ATF1: variants seen among roughly 807,000 people sequenced by gnomAD.
ATF1 encodes the protein cyclic AMP-dependent transcription factor ATF-1.
In ATF1, 16 loss-of-function variants were observed where a neutral mutation model predicts 34.7. The observed-to-expected ratio is 0.46, with a 90% CI of 0.31 to 0.70. The LOEUF (loss-of-function observed/expected upper bound fraction) is 0.70. Ranked by LOEUF, ATF1 falls within the 30% of genes least tolerant of loss-of-function variation. The pLI is 0.05. For missense variants in ATF1, 255 were observed against 321.6 expected (o/e 0.79, Z 1.58); for synonymous variants, 105 against 113.1 (o/e 0.93, Z 0.46).
chr12:50,811,630 GAAAAAAAAA>G (rs11464441), intron 4 of ATF1, among the ~76,000 whole-genome samples: 2 of 72,920 alleles, frequency 2.7e-5, no homozygotes, highest in African/African-American at 1.0e-4. Flanking sequence ...GAAAAATGAA[GAAAAAAAAA>G]AAAAAAAAAA....
intron 2 of ATF1, among the ~76,000 whole-genome samples, chr12:50,793,562 G>C (rs945578383): frequency 6.6e-6 from 1 of 150,800 alleles, no homozygotes; most frequent in Non-Finnish European, 1.5e-5. Flanking sequence ...GAACCCGGGA[G>C]GCAGAAGCTG....
chr12:50,789,023 A>G (rs944082056), intron 2 of ATF1, among the ~76,000 whole-genome samples: 3 of 152,086 alleles, frequency 2.0e-5, no homozygotes, highest in Non-Finnish European at 4.4e-5. Context: ...CATGCGTTAC[A>G]GTGCTAGCGA....
At chr12:50,806,063 A>G (rs974287333) in intron 3 of ATF1, among the ~76,000 whole-genome samples, 12 of 150,858 alleles carry the variant, frequency 8.0e-5, no homozygotes, top group African/African-American at 2.9e-4. Flanking sequence ...AGGCAGGAGA[A>G]TTGCTCGAAC....
rs1009327751 is a variant in ATF1, at chr12:50,768,842, G to A, written c.-7+4535G>A. 3.9e-5 allele frequency among the ~76,000 whole-genome samples: 6 copies of A among 152,266 alleles called. No homozygotes were observed. In the East Asian group the frequency reaches 1.2e-3, roughly 29 times the overall value. On this transcript the variant is annotated intron_variant, in intron 1 of 6. Transcript: ENST00000262053. Reference sequence around the variant, plus strand: ...GTTAAATGATTTGAGGTCATAAACTGTTTCTTTGACTTTTAAAAATTGTTC... The same window carrying A: ...GTTAAATGATTTGAGGTCATAAACTATTTCTTTGACTTTTAAAAATTGTTC...
chr12:50,817,458 TAGC>T (rs1256999321), intron 6 of ATF1, among the ~76,000 whole-genome samples: 4 of 152,170 alleles, frequency 2.6e-5, no homozygotes, highest in South Asian at 4.1e-4. Context: ...AAATAAATGA[TAGC>T]AGTTTTAGGG....
intron 1 of ATF1, among the ~76,000 whole-genome samples, chr12:50,767,104 A>G (rs1029767889): frequency 6.6e-6 from 1 of 152,184 alleles, no homozygotes; most frequent in African/African-American, 2.4e-5. Flanking sequence ...CTTGAACACT[A>G]GGACCACTAA....
At chr12:50,810,363 G>GCC in intron 4 of ATF1, among the ~76,000 whole-genome samples, 1 of 151,286 alleles carries the variant, frequency 6.6e-6, no homozygotes, top group Non-Finnish European at 1.5e-5. Flanking sequence ...GATTACAGGC[G>GCC]TGTACCACTT....
chr12:50,804,810 C>CTT (rs57912155), intron 3 of ATF1, among the ~76,000 whole-genome samples: 12 of 142,844 alleles, frequency 8.4e-5, no homozygotes, highest in East Asian at 6.1e-4. Flanking sequence ...CCAACAAGAT[C>CTT]TTTTTTTTTT....
At position 50,820,949 on chromosome 12, in the gene ATF1, T is replaced by C. The variant is rs910633079; in HGVS notation, c.*1170T>C. 2 of 179,944 alleles carry C rather than the reference T, an allele frequency of 1.1e-5. No homozygotes were observed. The highest frequency in any genetic ancestry group is 2.4e-5 in the Non-Finnish European group (2 of 83,792). The allele number at this position is 179,944 out of a possible 1,614,324, so 11.1% of individuals were successfully genotyped here. On this transcript the variant is annotated 3_prime_UTR_variant, in exon 7 of 7. Transcript: ENST00000262053. ...GTTTTCAGATTGGCTAATATTTGCA[T>C]TGTAAATTTTGTATGCAGTTTATCT...
chr12:50,812,935 AT>A (rs1216118204), intron 4 of ATF1, among the ~76,000 whole-genome samples: 24 of 152,196 alleles, frequency 1.6e-4, no homozygotes, highest in Non-Finnish European at 2.9e-4. Context: ...GTGAAAAAAA[AT>A]ATTTTTCCAT....
rs543324531 is a variant in ATF1 at position 50,819,547 on chromosome 12, G to T, written c.672-88G>T. The T allele has an allele frequency of 1.1e-5, 16 of 1,440,482 alleles. No individual in the cohort carries two copies. The African/African-American group carries it at 2.2e-4, about 19-fold the overall frequency. The allele number at this position is 1,440,482 out of a possible 1,614,324, so 89.2% of individuals were successfully genotyped here. A position where few individuals can be genotyped will look rare whatever the true frequency, so the allele number is the denominator to read the frequency against. On this transcript the variant is annotated intron_variant, in intron 6 of 6. Coordinates refer to ENST00000262053, the MANE Select transcript of ATF1 (RefSeq NM_005171.5). ...AGATGATACTTTAAAGAGAAAAAAAGGTGACCACGGAAAATTACTGAAGAA... is the reference window on the plus strand; with the variant it reads ...AGATGATACTTTAAAGAGAAAAAAATGTGACCACGGAAAATTACTGAAGAA...
Position 50,814,393 on chromosome 12 carries a change from A to T in ATF1, c.625A>T (p.Thr209Ser). Residue 209 changes from threonine (T) to serine (S), a missense_variant, in exon 6 of 7, where the codon ACA (threonine) becomes TCA (serine). By Grantham distance (58) the Thr-to-Ser change is moderately conservative. Around this residue, in one of 2 missense-constraint regions of ATF1, gnomAD observed 221 missense variants for 250.7 expected, o/e 0.88. Coordinates refer to ENST00000262053, the MANE Select transcript of ATF1 (RefSeq NM_005171.5). ...PVTLTSQTTK[T>S]DDPQLKREIR... ...GACTCTCACCTCTCAGACAACTAAG[A>T]CAGATGACCCCCAATTGAAAAGAGA... The T allele has an allele frequency of 2.5e-6, 4 of 1,614,226 alleles. No individual in the cohort carries two copies. The highest frequency in any genetic ancestry group is 2.5e-6 in the Non-Finnish European group (3 of 1,180,028).
At chr12:50,778,542 A>C (rs1267934766) in intron 1 of ATF1, among the ~76,000 whole-genome samples, 1 of 151,598 alleles carries the variant, frequency 6.6e-6, no homozygotes, top group Non-Finnish European at 1.5e-5. Flanking sequence ...ATTTTTAAAC[A>C]TACAGTTCTA....
chr12:50,797,167 G>T (rs1204242126), intron 3 of ATF1, among the ~76,000 whole-genome samples: 3 of 152,148 alleles, frequency 2.0e-5, no homozygotes. Context: ...TAAAAGGAGA[G>T]AAGAGGGAAG....
At position 50,819,819 on chromosome 12, in the gene ATF1, A is replaced by G; in HGVS notation, c.*40A>G. 7.0e-7 allele frequency: 1 copy of G among 1,437,408 alleles called. No individual in the cohort carries two copies. The highest frequency in any genetic ancestry group is 1.3e-5 in the South Asian group (1 of 77,954). 89.0% of individuals were successfully genotyped at this position (1,437,408 alleles called of 1,614,324 possible). On this transcript the variant is annotated 3_prime_UTR_variant, in exon 7 of 7. Coordinates refer to ENST00000262053, the MANE Select transcript of ATF1 (RefSeq NM_005171.5). ...AATATTTTTGTGGACATGCATAAAA[A>G]TTAAATGGATTTCCTAGTGGAGTTT...
intron 1 of ATF1, among the ~76,000 whole-genome samples, chr12:50,775,226 T>C (rs1477507691): frequency 1.3e-5 from 2 of 152,044 alleles, no homozygotes; most frequent in African/African-American, 4.8e-5. Flanking sequence ...ATTACAAGTA[T>C]GCACCCTGTT....
Position 50,819,873 on chromosome 12 carries a change from T to G in ATF1, c.*94T>G. 3 of 1,086,716 alleles carry G rather than the reference T, an allele frequency of 2.8e-6. No homozygotes were observed. The African/African-American group carries it at 4.8e-5, about 17-fold the overall frequency. 67.3% of individuals were successfully genotyped at this position (1,086,716 alleles called of 1,614,324 possible). The stretch of plus-strand genomic sequence containing the variant: ...AAATTAAAAGGTCAAAACTGAAGCT[T>G]TTTATTTAGGCTTTTCCAAATCAAG... On this transcript the variant is annotated 3_prime_UTR_variant, in exon 7 of 7. Coordinates refer to ENST00000262053, the MANE Select transcript of ATF1 (RefSeq NM_005171.5).
chr12:50,766,787 G>C (rs2139631483), intron 1 of ATF1, among the ~76,000 whole-genome samples: 3 of 152,072 alleles, frequency 2.0e-5, no homozygotes, highest in Admixed American at 2.0e-4. Context: ...GCCTCCCTAA[G>C]CTCTTCAGCT....
chr12:50,771,887 G>A (rs952659582), intron 1 of ATF1, among the ~76,000 whole-genome samples: 4 of 152,206 alleles, frequency 2.6e-5, no homozygotes, highest in Admixed American at 1.3e-4. Context: ...AAATGCCATG[G>A]CAAAGTCAGG....
Sources: gnomAD v4.1 joint callset for allele counts (sites outside exome capture counted in the v4.1 genomes callset) on GRCh38, gnomAD v4.1.1 for gene constraint, gnomAD v4.1.1 regional missense constraint, MANE v1.5 for transcripts, NCBI Gene and HGNC (gene_info 2026-07-23, HGNC 2026-07-21) for gene names.